The following EVC2 variants were observed in gnomAD, a reference collection of about 807,000 sequenced individuals.
EVC2 encodes EvC ciliary complex subunit 2.
Under a neutral mutation model 149.3 loss-of-function variants are expected in EVC2, and 148 were observed. The ratio of observed to expected loss-of-function variants is 0.99; its 90% CI spans 0.87 to 1.14. The LOEUF (loss-of-function observed/expected upper bound fraction) is 1.14. Ranked by LOEUF, EVC2 falls within the 50% of genes most tolerant of loss-of-function variation. The pLI, the probability that EVC2 is intolerant of heterozygous loss-of-function variation, is 0.00. For missense variants in EVC2, 1,854 were observed against 1,627.3 expected (o/e 1.14, Z -2.40); for synonymous variants, 776 against 649.9 (o/e 1.19, Z -2.95).
chr4:5,694,343 G>A lies in EVC2; in HGVS notation c.442C>T (p.His148Tyr), dbSNP rs779289613. Reference sequence around the variant, plus strand: ...TTGAACTTAATACTTACCAGGCGGTGTGTTATAGGAGACTCTCTTTTAAAT... The same window carrying A: ...TTGAACTTAATACTTACCAGGCGGTATGTTATAGGAGACTCTCTTTTAAAT... ...NLFKRESPITHRLYGDISREV... is the reference protein window; with the variant it reads ...NLFKRESPITYRLYGDISREV... Residue 148 changes from histidine (H) to tyrosine (Y), a missense_variant, in exon 3 of 22, where the codon CAC becomes TAC. By Grantham distance (83) the His-to-Tyr change is moderately conservative. Coordinates refer to ENST00000344408, the MANE Select transcript of EVC2 (RefSeq NM_147127.5). 8 of 1,613,876 alleles carry A rather than the reference G, an allele frequency of 5.0e-6. No individual in the cohort carries two copies. The highest frequency in any genetic ancestry group is 2.5e-6 in the Non-Finnish European group (3 of 1,179,944).
rs1715749297 is a variant in EVC2, at chr4:5,622,348, G to A, written c.2501+189C>T. 6.6e-6 allele frequency among the ~76,000 whole-genome samples: 1 copy of A among 152,008 alleles called. No individual in the cohort carries two copies. Among genetic ancestry groups the A allele is most frequent in the Admixed American group, 6.5e-5 (1 of 15,276 alleles). On this transcript the variant is annotated intron_variant, in intron 14 of 21. Coordinates refer to ENST00000344408, the MANE Select transcript of EVC2 (RefSeq NM_147127.5). The surrounding 1 kb of genome is among the most constrained non-coding windows in gnomAD (Gnocchi z 5.8). ...TGGTTCTGCACTCTGCTCAATCCTT[G>A]TAGGGTCCTGCGTGACATTCGAGGT...
intron 21 of EVC2, among the ~76,000 whole-genome samples, chr4:5,548,010 G>A (rs11932751): frequency 0.1 from 15,445 of 152,084 alleles, 1,520 homozygotes; most frequent in African/African-American, 0.25. Context: ...CCACAGCCTC[G>A]CAGAGAGTCG....
At chr4:5,653,384 C>T (rs568130991) in intron 9 of EVC2, among the ~76,000 whole-genome samples, 31 of 152,292 alleles carry the variant, frequency 2.0e-4, no homozygotes, top group African/African-American at 5.1e-4. Context: ...TTAGGCGTAC[C>T]AGAGACTATT....
chr4:5,615,761 C>T (rs1715201056), intron 15 of EVC2, among the ~76,000 whole-genome samples: 1 of 152,158 alleles, frequency 6.6e-6, no homozygotes. Flanking sequence ...GCTCCTCCCA[C>T]CAAAGGGAGC....
chr4:5,613,840 C>A lies in EVC2; in HGVS notation c.2829+1582G>T, dbSNP rs1715036573. ...AACCTGGGTGAGAATAGGGTTGCCA[C>A]TTCCTGGATCCCTTAAGACATCAAC... is the stretch of plus-strand genomic sequence containing the variant. On this transcript the variant is annotated intron_variant, in intron 16 of 21. Coordinates refer to ENST00000344408, the MANE Select transcript of EVC2 (RefSeq NM_147127.5). The surrounding 1 kb of genome is among the most constrained non-coding windows in gnomAD (Gnocchi z 4.6). Among the ~76,000 whole-genome samples the A allele has an allele frequency of 6.6e-6, 1 of 152,180 alleles. No homozygotes were observed. The highest frequency in any genetic ancestry group is 1.5e-5 in the Non-Finnish European group (1 of 68,046).
Position 5,576,355 on chromosome 4 carries a change from C to T in EVC2, c.3157G>A (p.Asp1053Asn), listed in dbSNP as rs746187559. ...ALASWQQWVADGPGILNEPGE... is the reference protein window; with the variant it reads ...ALASWQQWVANGPGILNEPGE... The stretch of plus-strand genomic sequence containing the variant: ...GGTTCGTTCAGAATCCCGGGCCCAT[C>T]GGCCACCCACTGCTGCCAGCTCGCC... Residue 1053 changes from aspartate (D) to asparagine (N), a missense_variant, in exon 18 of 22, where the codon GAT (aspartate) becomes AAT (asparagine). Physicochemically the swap from Asp to Asn is conservative, Grantham distance 23. Coordinates refer to ENST00000344408, the MANE Select transcript of EVC2 (RefSeq NM_147127.5). The surrounding 1 kb of genome is among the most constrained non-coding windows in gnomAD (Gnocchi z 4.5). The T allele has an allele frequency of 1.5e-5, 25 of 1,614,094 alleles. No individual in the cohort carries two copies. Among genetic ancestry groups the T allele is most frequent in the Admixed American group, 3.3e-5 (2 of 60,010 alleles).
chr4:5,568,861 G>A (rs1011831053), intron 19 of EVC2, among the ~76,000 whole-genome samples: 2 of 152,032 alleles, frequency 1.3e-5, no homozygotes, highest in African/African-American at 2.4e-5. Context: ...CATCCATCCC[G>A]TCCAACTGCT....
At chr4:5,638,621 A>G (rs6849773) in intron 10 of EVC2, among the ~76,000 whole-genome samples, 76,216 of 151,782 alleles carry the variant, frequency 0.5, 22,076 homozygotes, top group African/African-American at 0.8. Flanking sequence ...CCCAAAAAAG[A>G]TATGCCTAGA....
At chr4:5,551,631 G>A (rs531381651) in intron 21 of EVC2, among the ~76,000 whole-genome samples, 14 of 152,284 alleles carry the variant, frequency 9.2e-5, no homozygotes, top group African/African-American at 3.1e-4. Context: ...GACTTTGGGG[G>A]ACTTTTGGGA....
Position 5,625,865 on chromosome 4 carries a change from G to A in EVC2, c.1930C>T (p.Arg644Trp), listed in dbSNP as rs760871098. Residue 644 changes from arginine to tryptophan, a missense_variant, in exon 13 of 22, where the codon CGG becomes TGG. Coordinates refer to ENST00000344408, the MANE Select transcript of EVC2 (RefSeq NM_147127.5). The surrounding 1 kb of genome is among the most constrained non-coding windows in gnomAD (Gnocchi z 4.0). Reference protein sequence around the residue: ...DEDQMEMLLERAQTEVFSIKQ... With the variant: ...DEDQMEMLLEWAQTEVFSIKQ... Reference sequence around the variant, plus strand: ...ATTGAAAAGACTTCTGTCTGAGCCCGCTCCAATAGCATTTCCATTTGGTCT... The same window carrying A: ...ATTGAAAAGACTTCTGTCTGAGCCCACTCCAATAGCATTTCCATTTGGTCT... 3.0e-5 allele frequency: 48 copies of A among 1,613,852 alleles called. No homozygotes were observed. In the East Asian group the frequency reaches 3.6e-4, roughly 12 times the overall value.
rs1335319567 is a variant in EVC2, at chr4:5,670,515, C to G, written c.871-4866G>C. 1.3e-5 allele frequency among the ~76,000 whole-genome samples: 2 copies of G among 151,894 alleles called. No homozygotes were observed. The highest frequency in any genetic ancestry group is 2.9e-5 in the Non-Finnish European group (2 of 67,984). On this transcript the variant is annotated intron_variant, in intron 7 of 21. Transcript: ENST00000344408. This position sits in a 1 kb window ranked among gnomAD's most constrained non-coding sequence, Gnocchi z 5.2. ...CCATCACCACCATCACCATCGCCAC[C>G]ACGATTATCAACATCATCAATATCC... is the stretch of plus-strand genomic sequence containing the variant.
At position 5,569,633 on chromosome 4, in the gene EVC2, G is replaced by A. The variant is rs879298059; in HGVS notation, c.3361-993C>T. Among the ~76,000 whole-genome samples, 1 of 152,112 alleles carries A rather than the reference G, an allele frequency of 6.6e-6. No homozygotes were observed. The highest frequency in any genetic ancestry group is 2.1e-4 in the South Asian group (1 of 4,812). ...GAGAAGGAGCAGTGTCCAGCCAGGG[G>A]CCTGTGCAGGGGCAGGCAGGGGTGG... On this transcript the variant is annotated intron_variant, in intron 19 of 21. Transcript: ENST00000344408. This position sits in a 1 kb window ranked among gnomAD's most constrained non-coding sequence, Gnocchi z 4.8.
chr4:5,567,192 C>A lies in EVC2; in HGVS notation c.3557+1252G>T, dbSNP rs1456384380. Among the ~76,000 whole-genome samples, 1 of 152,058 alleles carries A rather than the reference C, an allele frequency of 6.6e-6. No individual in the cohort carries two copies. The highest frequency in any genetic ancestry group is 1.5e-5 in the Non-Finnish European group (1 of 68,024). The stretch of plus-strand genomic sequence containing the variant: ...CCAGCCCTCTGACTGCGGTCCACAA[C>A]CCACTTCCTGACTATACTGGGCCCC... On this transcript the variant is annotated intron_variant, in intron 20 of 21. Coordinates refer to ENST00000344408, the MANE Select transcript of EVC2 (RefSeq NM_147127.5). The surrounding 1 kb of genome is among the most constrained non-coding windows in gnomAD (Gnocchi z 4.4).
chr4:5,615,340 T>C, intron 16 of EVC2, 82 bp downstream of exon 16: 4 of 1,604,354 alleles, frequency 2.5e-6, no homozygotes, highest in Admixed American at 1.7e-5. Flanking sequence ...CCAAGGGCTC[T>C]GTGTGCCTGC....
At position 5,568,491 on chromosome 4, in the gene EVC2, T is replaced by C. The variant is rs911376175; in HGVS notation, c.3510A>G (p.Ala1170=). The C allele has an allele frequency of 6.3e-7, 1 of 1,584,080 alleles. No individual in the cohort carries two copies. Among genetic ancestry groups the C allele is most frequent in the African/African-American group, 1.3e-5 (1 of 74,532 alleles). The part of the protein sequence containing the change: ...DSATERHVDH[A]AESDGGAEQA... Reference sequence around the variant, plus strand: ...GCTCCGCTCCGCCATCGCTCTCAGCTGCGTGGTCCACATGTCTCTCGGTGG... The same window carrying C: ...GCTCCGCTCCGCCATCGCTCTCAGCCGCGTGGTCCACATGTCTCTCGGTGG... Residue 1170 remains alanine (A), a synonymous_variant, in exon 20 of 22, where the codon GCA becomes GCG. Transcript: ENST00000344408.
At position 5,622,962 on chromosome 4, in the gene EVC2, G is replaced by C; in HGVS notation, c.2076C>G (p.Ser692=). The C allele has an allele frequency of 6.2e-7, 1 of 1,613,994 alleles. No homozygotes were observed. The highest frequency in any genetic ancestry group is 1.7e-5 in the Admixed American group (1 of 60,010). The change falls in exon 14 of 22, where the codon TCC becomes TCG. Residue 692 remains serine (S), a synonymous_variant. Transcript: ENST00000344408. The surrounding 1 kb of genome is among the most constrained non-coding windows in gnomAD (Gnocchi z 5.8). ...CAACCGTTCGGAAGGCCTCGCCGAC[G>C]GACGCCTGCTCCCTACGCTGCTCCC... ...KHREQRREQA[S]VGEAFRTVED... is the part of the protein sequence containing the mutation.
the EVC2 span, among the ~76,000 whole-genome samples, chr4:5,535,154 G>C: frequency 6.6e-6 from 1 of 152,090 alleles, no homozygotes; most frequent in Non-Finnish European, 1.5e-5. The surrounding 1 kb of genome is among the most constrained non-coding windows in gnomAD (Gnocchi z 4.7). Flanking sequence ...CCTGCAGTGA[G>C]GACCGCCCAT....
At chr4:5,703,280 TATC>T (rs1313851670) in intron 1 of EVC2, among the ~76,000 whole-genome samples, 2 of 152,210 alleles carry the variant, frequency 1.3e-5, no homozygotes, top group Non-Finnish European at 2.9e-5. Context: ...TTACTGTTCT[TATC>T]ATCACCATCA....
chr4:5,628,325 C>T (rs1040521521), intron 12 of EVC2, among the ~76,000 whole-genome samples: 6 of 152,100 alleles, frequency 3.9e-5, no homozygotes, highest in Non-Finnish European at 7.4e-5. Flanking sequence ...TTAGTTATCA[C>T]GGGTTTGACT....
Sources: gnomAD v4.1 joint callset for allele counts (sites outside exome capture counted in the v4.1 genomes callset) on GRCh38, gnomAD v4.1.1 for gene constraint, Gnocchi (gnomAD v3.1) non-coding constraint, MANE v1.5 for transcripts, NCBI Gene and HGNC (gene_info 2026-07-23, HGNC 2026-07-21) for gene names.